The following SPMIP7 variants were observed in gnomAD, a reference collection of about 807,000 sequenced individuals.
SPMIP7 encodes protein SPMIP7.
the SPMIP7 span, chr7:50,140,187 T>C: frequency 6.7e-7 from 1 of 1,483,556 alleles, no homozygotes; most frequent in South Asian, 1.4e-5. Context: ...TATACGTAAG[T>C]AATGTTTCTC....
chr7:50,106,133 G>A, the SPMIP7 span, among the ~76,000 whole-genome samples: 2 of 152,116 alleles, frequency 1.3e-5, no homozygotes, highest in African/African-American at 4.8e-5. Flanking sequence ...ATTTCCAATG[G>A]CAAAACAACT....
chr7:50,119,861 C>T, the SPMIP7 span, among the ~76,000 whole-genome samples: 1 of 152,190 alleles, frequency 6.6e-6, no homozygotes, highest in East Asian at 1.9e-4. Flanking sequence ...AGTAAGGTCT[C>T]GTTCCACTGA....
At chr7:50,132,058 G>A in the SPMIP7 span, among the ~76,000 whole-genome samples, 1 of 151,866 alleles carries the variant, frequency 6.6e-6, no homozygotes, top group African/African-American at 2.4e-5. Flanking sequence ...ATGTATGAAC[G>A]CCTACTATCC....
At chr7:50,118,532 T>G in the SPMIP7 span, among the ~76,000 whole-genome samples, 5 of 152,240 alleles carry the variant, frequency 3.3e-5, no homozygotes, top group African/African-American at 1.2e-4. Context: ...TCTGGCTGGA[T>G]AGAAGCTTTC....
chr7:50,116,754 G>T, the SPMIP7 span, among the ~76,000 whole-genome samples: 2 of 152,024 alleles, frequency 1.3e-5, no homozygotes, highest in Non-Finnish European at 2.9e-5. Flanking sequence ...TAAAAAAATG[G>T]ATACATAAAA....
chr7:50,154,400 C>T, the SPMIP7 span, among the ~76,000 whole-genome samples: 1 of 152,164 alleles, frequency 6.6e-6, no homozygotes, highest in African/African-American at 2.4e-5. Flanking sequence ...TTGCCTCACC[C>T]CCCACCGAAT....
chr7:50,125,094 G>GTATATATATATATATGTA, the SPMIP7 span, among the ~76,000 whole-genome samples: 9 of 73,820 alleles, frequency 1.2e-4, no homozygotes, highest in Non-Finnish European at 2.1e-4. Flanking sequence ...GTGAGATTAA[G>GTATATATATATATATGTA]TATATATATA....
At chr7:50,106,970 C>G in the SPMIP7 span, among the ~76,000 whole-genome samples, 2 of 151,918 alleles carry the variant, frequency 1.3e-5, no homozygotes, top group African/African-American at 2.4e-5. Context: ...GGCACGGTGG[C>G]TCACACCTGT....
At chr7:50,106,972 C>T in the SPMIP7 span, among the ~76,000 whole-genome samples, 1 of 151,890 alleles carries the variant, frequency 6.6e-6, no homozygotes, top group Non-Finnish European at 1.5e-5. Context: ...CACGGTGGCT[C>T]ACACCTGTAA....
At chr7:50,105,328 A>C in the SPMIP7 span, among the ~76,000 whole-genome samples, 1 of 152,196 alleles carries the variant, frequency 6.6e-6, no homozygotes, top group African/African-American at 2.4e-5. Flanking sequence ...GATTTTTATT[A>C]CCTCAAGAAA....
chr7:50,122,085 CA>C, the SPMIP7 span, among the ~76,000 whole-genome samples: 1,981 of 152,200 alleles, frequency 0.013, 48 homozygotes, highest in African/African-American at 0.045. Context: ...TTATTGCCAA[CA>C]AGTGTACATT....
chr7:50,130,409 T>C, the SPMIP7 span, among the ~76,000 whole-genome samples: 1 of 151,910 alleles, frequency 6.6e-6, no homozygotes. Flanking sequence ...AACCATCAGA[T>C]CTCGTGAGAC....
chr7:50,134,132 T>C, the SPMIP7 span: 1 of 1,549,142 alleles, frequency 6.5e-7, no homozygotes, highest in Non-Finnish European at 8.7e-7. Context: ...TTCCTTGGGA[T>C]AAGATGCTAC....
At chr7:50,155,449 G>A in the SPMIP7 span, among the ~76,000 whole-genome samples, 3 of 152,154 alleles carry the variant, frequency 2.0e-5, no homozygotes, top group South Asian at 4.1e-4. Flanking sequence ...GAAACCTTGT[G>A]GCTGGTTCAT....
At chr7:50,115,067 C>T in the SPMIP7 span, among the ~76,000 whole-genome samples, 1 of 151,432 alleles carries the variant, frequency 6.6e-6, no homozygotes, top group African/African-American at 2.4e-5. Flanking sequence ...TACTTATACG[C>T]TGACCACAAG....
the SPMIP7 span, among the ~76,000 whole-genome samples, chr7:50,136,622 C>T: frequency 6.6e-6 from 1 of 152,106 alleles, no homozygotes; most frequent in African/African-American, 2.4e-5. Context: ...AATCCATGGA[C>T]TTTATATAAA....
chr7:50,139,173 A>G, the SPMIP7 span, among the ~76,000 whole-genome samples: 1 of 151,806 alleles, frequency 6.6e-6, no homozygotes, highest in Non-Finnish European at 1.5e-5. Flanking sequence ...ACGTGGTGAA[A>G]CCCCGTCTCT....
At chr7:50,138,736 A>G in the SPMIP7 span, among the ~76,000 whole-genome samples, 2 of 151,376 alleles carry the variant, frequency 1.3e-5, no homozygotes, top group Non-Finnish European at 2.9e-5. Context: ...ACTTCAATAA[A>G]AGCAGTATAA....
chr7:50,146,170 C>T, the SPMIP7 span, among the ~76,000 whole-genome samples: 11 of 152,276 alleles, frequency 7.2e-5, no homozygotes, highest in African/African-American at 2.6e-4. Flanking sequence ...TCACACACTC[C>T]CTCATTTGTT....
Sources: allele counts gnomAD v4.1 joint callset (sites outside exome capture counted in the v4.1 genomes callset), GRCh38; gene constraint gnomAD v4.1.1; transcripts MANE v1.5; gene names NCBI Gene and HGNC (gene_info 2026-07-23, HGNC 2026-07-21).